The following FDXR variants were observed in gnomAD, a reference collection of about 807,000 sequenced individuals.
FDXR encodes the protein NADPH:adrenodoxin oxidoreductase, mitochondrial.
Under a neutral mutation model 58.3 loss-of-function variants are expected in FDXR, and 38 were observed. The ratio of observed to expected loss-of-function variants is 0.65; its 90% CI spans 0.50 to 0.85. The LOEUF (loss-of-function observed/expected upper bound fraction) is 0.85, where lower values mean the gene tolerates loss of function less well. Among genes scored for constraint, FDXR ranks in the 40% least tolerant of loss-of-function variants. The pLI is 0.00. For synonymous variants in FDXR, 275 were observed against 273.8 expected (o/e 1.00, Z -0.04); for missense variants, 624 against 671.0 (o/e 0.93, Z 0.77).
intron 2 of FDXR, chr17:74,868,483 C>T: frequency 9.3e-7 from 1 of 1,074,468 alleles, no homozygotes; most frequent in Non-Finnish European, 1.4e-6. Flanking sequence ...TCGCTGGGGC[C>T]CAGTGCCACA....
At chr17:74,865,930 C>T in intron 5 of FDXR, 110 bp from the exon 6 acceptor site, 1 of 954,370 alleles carries the variant, frequency 1.0e-6, no homozygotes, top group East Asian at 2.6e-5. Context: ...CTTCCCCACA[C>T]CGGGAAAGTC....
intron 2 of FDXR, among the ~76,000 whole-genome samples, chr17:74,867,176 A>G (rs2038220727): frequency 6.6e-6 from 1 of 151,946 alleles, no homozygotes; most frequent in Non-Finnish European, 1.5e-5. Context: ...GCGTGGTGGT[A>G]GGCACCTGCA....
chr17:74,868,419 G>C, intron 2 of FDXR: 1 of 721,616 alleles, frequency 1.4e-6, no homozygotes, highest in Non-Finnish European at 2.5e-6. Context: ...CAATCAAGAA[G>C]AGAGCTATCA....
intron 2 of FDXR, among the ~76,000 whole-genome samples, chr17:74,867,222 G>A (rs775477181): frequency 1.0e-4 from 15 of 146,272 alleles, no homozygotes; most frequent in Non-Finnish European, 1.9e-4. Context: ...CAGGAGAACC[G>A]CTTGAACCCA....
intron 2 of FDXR, among the ~76,000 whole-genome samples, chr17:74,869,543 C>T (rs1019981135): frequency 9.9e-5 from 15 of 152,174 alleles, no homozygotes; most frequent in African/African-American, 2.2e-4. Context: ...TCTTTGTTCA[C>T]GCAGTTCTCT....
chr17:74,866,243 C>G lies in FDXR; in HGVS notation c.395G>C (p.Ser132Thr), dbSNP rs2038178760. Residue 132 changes from serine to threonine, a missense_variant and splice_region_variant, in exon 5 of 12, where the codon AGC becomes ACC. Ser to Thr is a moderately conservative substitution (Grantham distance 58, BLOSUM62 1). Transcript: ENST00000293195. ...GGCCCGATGGTCCTCTGCCCCGTAGCTCTGATGAAAGATGGCAGGCCCGAG... is the reference window on the plus strand; with the variant it reads ...GGCCCGATGGTCCTCTGCCCCGTAGGTCTGATGAAAGATGGCAGGCCCGAG... The part of the protein sequence containing the change: ...LQEAYHAVVL[S>T]YGAEDHRALE... The G allele has an allele frequency of 6.2e-7, 1 of 1,612,806 alleles. No homozygotes were observed. Among genetic ancestry groups the G allele is most frequent in the African/African-American group, 1.3e-5 (1 of 74,886 alleles).
At position 74,867,067 on chromosome 17, in the gene FDXR, G is replaced by A; in HGVS notation, c.178-191C>T. On this transcript the variant is annotated intron_variant, in intron 2 of 11. Coordinates refer to ENST00000293195, the MANE Select transcript of FDXR (RefSeq NM_024417.5). ...CGCGCCTGTCAGCCCAGCACTTTGGGAGGCTGAGGCAGGTGGATAACCTGA... is the reference window on the plus strand; with the variant it reads ...CGCGCCTGTCAGCCCAGCACTTTGGAAGGCTGAGGCAGGTGGATAACCTGA... 4.7e-6 allele frequency: 6 copies of A among 1,287,742 alleles called. No individual in the cohort carries two copies. In the East Asian group the frequency reaches 1.0e-4, roughly 22 times the overall value. 79.8% of individuals were successfully genotyped at this position (1,287,742 alleles called of 1,614,324 possible).
chr17:74,863,309 T>C, intron 10 of FDXR, 63 bp from the exon 11 acceptor site: 168 of 1,475,452 alleles, frequency 1.1e-4, no homozygotes, highest in Admixed American at 3.2e-4. Context: ...GGCCATCCTG[T>C]GCCCACAATC....
At position 74,866,126 on chromosome 17, in the gene FDXR, C is replaced by G; in HGVS notation, c.507+5G>C. On this transcript the variant is annotated splice_donor_5th_base_variant and intron_variant, in intron 5 of 11. Coordinates refer to ENST00000293195, the MANE Select transcript of FDXR (RefSeq NM_024417.5). ...AGAGGCAGCGGGCGTGCTCCCCATA[C>G]TCACCTCCTGGTTCTCAGGAAGCCC... The G allele has an allele frequency of 6.2e-7, 1 of 1,606,066 alleles. No homozygotes were observed. Among genetic ancestry groups the G allele is most frequent in the Non-Finnish European group, 8.5e-7 (1 of 1,173,624 alleles).
intron 1 of FDXR, chr17:74,872,665 C>A: frequency 2.5e-6 from 3 of 1,199,988 alleles, no homozygotes; most frequent in South Asian, 3.1e-5. Context: ...CTTTGTTGAC[C>A]TCCGTCTCTA....
chr17:74,867,221 C>T (rs1346615343), intron 2 of FDXR, among the ~76,000 whole-genome samples: 11 of 148,574 alleles, frequency 7.4e-5, no homozygotes, highest in Non-Finnish European at 1.3e-4. Flanking sequence ...GCAGGAGAAC[C>T]GCTTGAACCC....
chr17:74,869,385 C>T (rs1341658304), intron 2 of FDXR, among the ~76,000 whole-genome samples: 1 of 152,176 alleles, frequency 6.6e-6, no homozygotes, highest in Non-Finnish European at 1.5e-5. Context: ...CCCAGCGAAA[C>T]CTGCCTCCAG....
chr17:74,864,867 A>G lies in FDXR; in HGVS notation c.674T>C (p.Leu225Pro). 6.2e-7 allele frequency: 1 copy of G among 1,614,110 alleles called. No individual in the cohort carries two copies. The highest frequency in any genetic ancestry group is 8.5e-7 in the Non-Finnish European group (1 of 1,179,994). ...LRQSRVKTVW[L>P]VGRRGPLQVA... Reference sequence around the variant, plus strand: ...TTGCAGGGGTCCACGCCGGCCCACTAGCCACACTGTCTTCACTCGACTCTG... The same window carrying G: ...TTGCAGGGGTCCACGCCGGCCCACTGGCCACACTGTCTTCACTCGACTCTG... The change falls in exon 7 of 12, where the codon CTA becomes CCA. Residue 225 changes from leucine to proline, a missense_variant. Leu to Pro is a moderately conservative substitution (Grantham distance 98). Transcript: ENST00000293195.
intron 7 of FDXR, 66 bp from the exon 8 acceptor site, chr17:74,864,630 C>A: frequency 6.6e-7 from 1 of 1,512,220 alleles, no homozygotes; most frequent in Admixed American, 1.8e-5. Context: ...CTGAGCCCAC[C>A]CCAGGGTCCA....
Position 74,863,104 on chromosome 17 carries a change from T to C in FDXR, c.1317A>G (p.Ala439=). 6.2e-7 allele frequency: 1 copy of C among 1,613,166 alleles called. No individual in the cohort carries two copies. The highest frequency in any genetic ancestry group is 8.5e-7 in the Non-Finnish European group (1 of 1,179,876). Residue 439 remains alanine, a synonymous_variant, in exon 11 of 12, where the codon GCA becomes GCG. Coordinates refer to ENST00000293195, the MANE Select transcript of FDXR (RefSeq NM_024417.5). The part of the protein sequence containing the change: ...LLPSGPRPGY[A]AIQALLSSRG... ...GGCTGCTGAGCAGGGCCTGGATGGC[T>C]GCGTAGCCAGGCCTGGGGCCAGAGG...
chr17:74,865,667 C>T (rs34576239), intron 6 of FDXR, 52 bp downstream of exon 6: 2 of 1,281,504 alleles, frequency 1.6e-6, no homozygotes, highest in Admixed American at 1.9e-5. Flanking sequence ...AGGGCACTCT[C>T]TCCTCAGGGT....
chr17:74,867,376 A>G (rs886638036), intron 2 of FDXR, among the ~76,000 whole-genome samples: 1 of 149,052 alleles, frequency 6.7e-6, no homozygotes, highest in Non-Finnish European at 1.5e-5. Context: ...AAATGTGGCC[A>G]GCTGACAAGG....
intron 2 of FDXR, 86 bp downstream of exon 2, chr17:74,871,950 G>C (rs2038387156): frequency 1.0e-6 from 1 of 986,104 alleles, no homozygotes; most frequent in Admixed American, 2.8e-5. Context: ...AGGCAACCAG[G>C]AGTGCTCTTA....
rs2038153314 is a variant in FDXR, at chr17:74,865,729, T to C, written c.599A>G (p.Glu200Gly). Residue 200 changes from glutamate (E) to glycine (G), a missense_variant, in exon 6 of 12, where the codon GAG becomes GGG. Transcript: ENST00000293195. ...DVARILLTPPEHLERTDITKA... is the reference protein window; with the variant it reads ...DVARILLTPPGHLERTDITKA... ...TGACCTACCACTCACCTCCAGGTGCTCAGGTGGGGTCAGTAGGATGCGGGC... is the reference window on the plus strand; with the variant it reads ...TGACCTACCACTCACCTCCAGGTGCCCAGGTGGGGTCAGTAGGATGCGGGC... The C allele has an allele frequency of 6.2e-7, 1 of 1,610,562 alleles. No homozygotes were observed. The highest frequency in any genetic ancestry group is 1.7e-5 in the Admixed American group (1 of 59,846).
Sources: gnomAD v4.1 joint callset for allele counts (sites outside exome capture counted in the v4.1 genomes callset) on GRCh38, gnomAD v4.1.1 for gene constraint, MANE v1.5 for transcripts, NCBI Gene and HGNC (gene_info 2026-07-23, HGNC 2026-07-21) for gene names.